The following RSRC1 variants were observed in gnomAD, a reference collection of about 807,000 sequenced individuals.
The protein encoded by RSRC1 is arginine and serine rich coiled-coil 1.
Under a neutral mutation model 49.1 loss-of-function variants are expected in RSRC1, and 39 were observed. The ratio of observed to expected loss-of-function variants is 0.79; its 90% CI spans 0.61 to 1.04. The LOEUF (loss-of-function observed/expected upper bound fraction) is 1.04, where lower values mean the gene tolerates loss of function less well. Ranked by LOEUF, RSRC1 falls within the 50% of genes least tolerant of loss-of-function variation. RSRC1 has a pLI of 0.00. For synonymous variants in RSRC1, 143 were observed against 130.8 expected, an observed-to-expected ratio of 1.09 and a Z score of -0.63; for missense variants, 388 against 402.4, an observed-to-expected ratio of 0.96 and a Z score of 0.31.
At chr3:158,326,684 A>T (rs1729172796) in intron 5 of RSRC1, among the ~76,000 whole-genome samples, 2 of 151,998 alleles carry the variant, frequency 1.3e-5, no homozygotes, top group African/African-American at 2.4e-5. Flanking sequence ...TAATGGTTTA[A>T]ATTCTCTTTT....
At chr3:158,421,135 C>A (rs1430711490) in intron 6 of RSRC1, among the ~76,000 whole-genome samples, 1 of 151,772 alleles carries the variant, frequency 6.6e-6, no homozygotes, top group East Asian at 1.9e-4. Flanking sequence ...CAAGCTGAGA[C>A]AAGTTAGTCA....
intron 3 of RSRC1, among the ~76,000 whole-genome samples, chr3:158,150,852 G>T (rs562133397): frequency 3.3e-5 from 5 of 152,116 alleles, no homozygotes; most frequent in Non-Finnish European, 5.9e-5. Flanking sequence ...AGGGTTCTGT[G>T]TAAGATATTA....
intron 6 of RSRC1, among the ~76,000 whole-genome samples, chr3:158,406,543 C>G (rs1734169741): frequency 6.6e-6 from 1 of 151,826 alleles, no homozygotes; most frequent in African/African-American, 2.4e-5. Flanking sequence ...AACCTGGTAC[C>G]CTATGAAGCC....
intron 7 of RSRC1, among the ~76,000 whole-genome samples, chr3:158,525,741 A>G (rs1011369218): frequency 1.9e-4 from 29 of 152,112 alleles, no homozygotes; most frequent in African/African-American, 6.5e-4. Context: ...GATGTACCCA[A>G]CAACATGGAT....
At chr3:158,272,675 A>G (rs1725586897) in intron 4 of RSRC1, among the ~76,000 whole-genome samples, 1 of 152,050 alleles carries the variant, frequency 6.6e-6, no homozygotes, top group Non-Finnish European at 1.5e-5. Flanking sequence ...AAGAAATAGA[A>G]AATAGTTGCA....
intron 5 of RSRC1, among the ~76,000 whole-genome samples, chr3:158,327,496 A>G (rs1457457595): frequency 1.3e-5 from 2 of 152,244 alleles, no homozygotes; most frequent in Non-Finnish European, 2.9e-5. Flanking sequence ...TGTATCGAGT[A>G]GTCATTCAGG....
At chr3:158,409,096 C>T (rs554182247) in intron 6 of RSRC1, among the ~76,000 whole-genome samples, 2 of 151,774 alleles carry the variant, frequency 1.3e-5, no homozygotes, top group South Asian at 2.1e-4. Flanking sequence ...CACACAGACA[C>T]GTAGAGGGGA....
In RSRC1 at chr3:158,280,134, C is replaced by A. The variant is rs140150784; in HGVS notation, c.495-17905C>A. The stretch of plus-strand genomic sequence containing the variant: ...ATTTCCTAGTATAATTCATGTCATC[C>A]TATATTTGGAATACTTTGGATTCAA... On this transcript the variant is annotated intron_variant, in intron 4 of 9. Coordinates refer to ENST00000611884, the MANE Select transcript of RSRC1 (RefSeq NM_001271838.2). Among the ~76,000 whole-genome samples, 12 of 152,174 alleles carry A rather than the reference C, an allele frequency of 7.9e-5. No individual in the cohort carries two copies. The East Asian group carries it at 2.3e-3, about 29-fold the overall frequency.
intron 5 of RSRC1, among the ~76,000 whole-genome samples, chr3:158,347,171 C>G (rs1283084064): frequency 6.6e-6 from 1 of 152,174 alleles, no homozygotes; most frequent in African/African-American, 2.4e-5. Context: ...TTTTGACTCT[C>G]TCTCTCTGAT....
chr3:158,493,144 A>C (rs973809716), intron 7 of RSRC1, among the ~76,000 whole-genome samples: 1 of 152,190 alleles, frequency 6.6e-6, no homozygotes, highest in African/African-American at 2.4e-5. Context: ...AAGTAAAGTG[A>C]GATTTGTTAA....
At chr3:158,490,835 C>T (rs1265539007) in intron 7 of RSRC1, among the ~76,000 whole-genome samples, 1 of 152,144 alleles carries the variant, frequency 6.6e-6, no homozygotes, top group Non-Finnish European at 1.5e-5. Flanking sequence ...ACACGTACTG[C>T]TGAGATTGGG....
At chr3:158,339,391 G>T (rs1730106152) in intron 5 of RSRC1, among the ~76,000 whole-genome samples, 1 of 151,474 alleles carries the variant, frequency 6.6e-6, no homozygotes, top group African/African-American at 2.4e-5. Flanking sequence ...GTCTGGGAAA[G>T]ATATGGCACA....
intron 4 of RSRC1, among the ~76,000 whole-genome samples, chr3:158,208,722 G>C (rs1374231920): frequency 6.6e-6 from 1 of 152,086 alleles, no homozygotes; most frequent in African/African-American, 2.4e-5. Flanking sequence ...TATGAAAACA[G>C]ATTTTTCTTA....
rs139003834 is a variant in RSRC1 at position 158,542,771 on chromosome 3, T to C, written c.760-564T>C. Among the ~76,000 whole-genome samples the C allele has an allele frequency of 2.8e-3, 426 of 152,288 alleles. 5 individuals are homozygous for C. Among genetic ancestry groups the C allele is most frequent in the African/African-American group, 9.8e-3 (407 of 41,562 alleles). On this transcript the variant is annotated intron_variant, in intron 8 of 9. Transcript: ENST00000611884. Reference sequence around the variant, plus strand: ...TAATAATTGCACAACTCCATGGATATGTGAAAAGCCATTGAATTATGTACT... The same window carrying C: ...TAATAATTGCACAACTCCATGGATACGTGAAAAGCCATTGAATTATGTACT...
At chr3:158,517,699 C>T (rs1305686996) in intron 7 of RSRC1, among the ~76,000 whole-genome samples, 1 of 146,444 alleles carries the variant, frequency 6.8e-6, no homozygotes, top group Non-Finnish European at 1.5e-5. Flanking sequence ...CACAAGTGAT[C>T]CACCTCAACT....
At chr3:158,320,006 G>A (rs1253666242) in intron 5 of RSRC1, among the ~76,000 whole-genome samples, 1 of 152,166 alleles carries the variant, frequency 6.6e-6, no homozygotes, top group Admixed American at 6.5e-5. Flanking sequence ...ACTATAGGAG[G>A]AGATTTACTT....
intron 4 of RSRC1, among the ~76,000 whole-genome samples, chr3:158,295,592 A>G (rs975701946): frequency 6.6e-5 from 10 of 152,180 alleles, no homozygotes; most frequent in African/African-American, 2.4e-4. Context: ...AAATAGTTAG[A>G]TCTAATGATA....
At chr3:158,452,235 A>G (rs557086566) in intron 6 of RSRC1, among the ~76,000 whole-genome samples, 1 of 152,250 alleles carries the variant, frequency 6.6e-6, no homozygotes, top group Admixed American at 6.5e-5. Flanking sequence ...TTGACAAATT[A>G]TTTAATTTTC....
chr3:158,313,112 A>C (rs1728220622), intron 5 of RSRC1, among the ~76,000 whole-genome samples: 1 of 149,580 alleles, frequency 6.7e-6, no homozygotes. Flanking sequence ...CCCTCCCCTC[A>C]CCCCTTGGTT....
Sources: gnomAD v4.1 joint callset for allele counts (sites outside exome capture counted in the v4.1 genomes callset) on GRCh38, gnomAD v4.1.1 for gene constraint, MANE v1.5 for transcripts, NCBI Gene and HGNC (gene_info 2026-07-23, HGNC 2026-07-21) for gene names.